AUTS2: variants seen among roughly 807,000 people sequenced by gnomAD.
AUTS2 encodes the protein activator of transcription and developmental regulator AUTS2, also known as autism susceptibility gene 2 protein.
Under a neutral mutation model 112.4 loss-of-function variants are expected in AUTS2, and 17 were observed. The ratio of observed to expected loss-of-function variants is 0.15; its 90% confidence interval spans 0.10 to 0.23. The LOEUF (loss-of-function observed/expected upper bound fraction) is 0.23. AUTS2 is among the 10% of genes least tolerant of loss of function. The probability of loss-of-function intolerance (pLI) is 1.00; values close to 1 mark genes in which losing one functional copy is unlikely to be tolerated. For synonymous variants in AUTS2, 751 were observed against 702.7 expected (o/e 1.07, Z -1.09); for missense variants, 1,510 against 1,701.6 (o/e 0.89, Z 1.98).
intron 2 of AUTS2, among the ~76,000 whole-genome samples, chr7:70,055,225 G>A (rs1392501351): frequency 6.6e-6 from 1 of 152,070 alleles, no homozygotes; most frequent in Non-Finnish European, 1.5e-5. Context: ...ACCTGAGGTT[G>A]GGAGTGCAAC....
chr7:69,886,923 C>T (rs561062601), intron 1 of AUTS2, among the ~76,000 whole-genome samples: 39 of 152,120 alleles, frequency 2.6e-4, no homozygotes, highest in African/African-American at 7.0e-4. Flanking sequence ...TACAGGCATA[C>T]GCCACCACAC....
At chr7:70,444,667 T>C (rs1796253147) in intron 5 of AUTS2, among the ~76,000 whole-genome samples, 1 of 152,146 alleles carries the variant, frequency 6.6e-6, no homozygotes, top group African/African-American at 2.4e-5. Flanking sequence ...ATGAGGAGCA[T>C]GTTGAGAAGT....
intron 6 of AUTS2, among the ~76,000 whole-genome samples, chr7:70,701,763 G>T (rs1809475359): frequency 6.6e-6 from 1 of 152,150 alleles, no homozygotes; most frequent in African/African-American, 2.4e-5. Flanking sequence ...CTTTAATCAA[G>T]GTCATAGTTG....
chr7:70,775,473 C>A, intron 13 of AUTS2, 87 bp downstream of exon 13: 1 of 1,072,570 alleles, frequency 9.3e-7, no homozygotes, highest in Non-Finnish European at 1.4e-6. Flanking sequence ...AGGAAATAAG[C>A]CATAGAAATG....
intron 5 of AUTS2, among the ~76,000 whole-genome samples, chr7:70,544,781 C>A (rs757055793): frequency 6.6e-6 from 1 of 152,142 alleles, no homozygotes; most frequent in Admixed American, 6.6e-5. Flanking sequence ...CCCTTGAGAT[C>A]TGAATGGCTG....
At position 69,837,580 on chromosome 7, in the gene AUTS2, T is replaced by C. The variant is rs559831600; in HGVS notation, c.310-61706T>C. On this transcript the variant is annotated intron_variant, in intron 1 of 18. Coordinates refer to ENST00000342771, the MANE Select transcript of AUTS2 (RefSeq NM_015570.4). Reference sequence around the variant, plus strand: ...TCCTGGTCTTGCCATGAGTCACTGCTGAGCCATTTGTGTCAGAGAGGAAAA... The same window carrying C: ...TCCTGGTCTTGCCATGAGTCACTGCCGAGCCATTTGTGTCAGAGAGGAAAA... Among the ~76,000 whole-genome samples the C allele has an allele frequency of 1.5e-3, 232 of 152,274 alleles. 1 individual carries two copies. The highest frequency in any genetic ancestry group is 4.7e-3 in the African/African-American group (195 of 41,562).
At chr7:69,721,024 G>A (rs1798903196) in intron 1 of AUTS2, among the ~76,000 whole-genome samples, 1 of 152,188 alleles carries the variant, frequency 6.6e-6, no homozygotes, top group African/African-American at 2.4e-5. Flanking sequence ...AGTGGGCAGA[G>A]TTTTCAGTTA....
intron 4 of AUTS2, among the ~76,000 whole-genome samples, chr7:70,265,184 G>A (rs554468470): frequency 2.6e-5 from 4 of 152,182 alleles, no homozygotes; most frequent in Non-Finnish European, 4.4e-5. Context: ...AATCAGCCTC[G>A]CTGCTAATTC....
chr7:70,049,399 G>C (rs1801648386), intron 2 of AUTS2, among the ~76,000 whole-genome samples: 2 of 151,390 alleles, frequency 1.3e-5, no homozygotes. Flanking sequence ...GCATGATCTC[G>C]GCTCACTGCA....
chr7:70,262,532 A>G (rs1787220057), intron 4 of AUTS2, among the ~76,000 whole-genome samples: 1 of 152,232 alleles, frequency 6.6e-6, no homozygotes, highest in South Asian at 2.1e-4. Flanking sequence ...ATATCAAAGT[A>G]AAGAAGAGGA....
chr7:70,271,589 G>A (rs1787696668), intron 4 of AUTS2, among the ~76,000 whole-genome samples: 1 of 152,142 alleles, frequency 6.6e-6, no homozygotes, highest in Admixed American at 6.6e-5. Flanking sequence ...ATTCCTAAAT[G>A]ATTATTCCAG....
At chr7:69,995,909 GTCTC>G (rs1798925256) in intron 2 of AUTS2, among the ~76,000 whole-genome samples, 1 of 152,122 alleles carries the variant, frequency 6.6e-6, no homozygotes, top group Non-Finnish European at 1.5e-5. Context: ...CATTCAACCT[GTCTC>G]TCTCAAATTT....
At chr7:70,504,822 A>G (rs1341712801) in intron 5 of AUTS2, among the ~76,000 whole-genome samples, 1 of 152,202 alleles carries the variant, frequency 6.6e-6, no homozygotes, top group Non-Finnish European at 1.5e-5. Context: ...TGTTTCACTC[A>G]TTAATTTTCA....
chr7:69,925,769 C>A (rs1795984268), intron 2 of AUTS2, among the ~76,000 whole-genome samples: 1 of 152,216 alleles, frequency 6.6e-6, no homozygotes, highest in African/African-American at 2.4e-5. Flanking sequence ...GTTTTCCCTC[C>A]TTGGCCTCCC....
At chr7:70,262,241 G>A (rs1275934860) in intron 4 of AUTS2, among the ~76,000 whole-genome samples, 2 of 152,120 alleles carry the variant, frequency 1.3e-5, no homozygotes, top group African/African-American at 2.4e-5. Context: ...CCAGGCTGGA[G>A]TGCAGTGGTG....
chr7:70,145,595 C>CTTTCTATTA (rs1807084108), intron 4 of AUTS2, among the ~76,000 whole-genome samples: 2 of 151,996 alleles, frequency 1.3e-5, no homozygotes, highest in African/African-American at 4.8e-5. Flanking sequence ...AATGAAAAAA[C>CTTTCTATTA]TTTCTATTAT....
At chr7:70,266,252 C>T (rs1239948593) in intron 4 of AUTS2, among the ~76,000 whole-genome samples, 1 of 152,062 alleles carries the variant, frequency 6.6e-6, no homozygotes, top group African/African-American at 2.4e-5. Context: ...CATGGCTGAA[C>T]CTTGGAAACA....
chr7:69,897,031 G>T (rs1794777175), intron 1 of AUTS2, among the ~76,000 whole-genome samples: 1 of 152,202 alleles, frequency 6.6e-6, no homozygotes, highest in Non-Finnish European at 1.5e-5. Flanking sequence ...CTCTATGAGG[G>T]TGGTGACTTT....
At chr7:70,781,916 G>A in intron 15 of AUTS2, 160 bp downstream of exon 15, 1 of 840,358 alleles carries the variant, frequency 1.2e-6, no homozygotes. Flanking sequence ...CAGGGAGTTG[G>A]GAATCTTCAT....
Sources: gnomAD v4.1 joint callset for allele counts (sites outside exome capture counted in the v4.1 genomes callset) on GRCh38, gnomAD v4.1.1 for gene constraint, MANE v1.5 for transcripts, NCBI Gene and HGNC (gene_info 2026-07-23, HGNC 2026-07-21) for gene names.